ABAT: variants seen among roughly 807,000 people sequenced by gnomAD.
The protein encoded by ABAT is 4-aminobutyrate aminotransferase, mitochondrial.
A neutral mutation model predicts 64.6 loss-of-function variants in ABAT; 45 were observed. That is an observed-to-expected ratio of 0.70 (90% CI 0.55 to 0.89). The LOEUF (loss-of-function observed/expected upper bound fraction) is 0.89, where lower values mean the gene tolerates loss of function less well. ABAT is among the 40% of genes least tolerant of loss of function. The pLI, the probability that ABAT is intolerant of heterozygous loss-of-function variation, is 0.00. For missense variants in ABAT, 633 were observed against 658.4 expected (o/e 0.96, Z 0.42); for synonymous variants, 297 against 250.5 (o/e 1.19, Z -1.75).
intron 1 of ABAT, among the ~76,000 whole-genome samples, chr16:8,704,873 G>C (rs1008931774): frequency 1.5e-4 from 23 of 151,254 alleles, no homozygotes; most frequent in African/African-American, 5.6e-4. Context: ...TTGTACAAAT[G>C]GGGGGTCTCA....
At chr16:8,737,568 G>A (rs1023852038) in intron 2 of ABAT, 1 of 151,794 alleles carries the variant, frequency 6.6e-6, no homozygotes, top group Non-Finnish European at 1.5e-5. Context: ...AACCCATATG[G>A]CCCTCACCAG....
chr16:8,714,973 TTATC>T (rs1444590853), intron 1 of ABAT: 2 of 152,410 alleles, frequency 1.3e-5, no homozygotes, highest in Admixed American at 1.3e-4. Flanking sequence ...CAAGCTCTAA[TTATC>T]GTTAAACATC....
intron 4 of ABAT, among the ~76,000 whole-genome samples, chr16:8,748,554 T>C (rs2059394832): frequency 6.6e-6 from 1 of 152,202 alleles, no homozygotes; most frequent in Admixed American, 6.5e-5. Flanking sequence ...GTCTGGTTGC[T>C]TTTAGAATAT....
chr16:8,703,329 G>A (rs1012896150), intron 1 of ABAT, among the ~76,000 whole-genome samples: 16 of 151,988 alleles, frequency 1.1e-4, no homozygotes, highest in South Asian at 8.3e-4. Flanking sequence ...GGTGGTGTGC[G>A]CCTGTAGTCC....
intron 1 of ABAT, among the ~76,000 whole-genome samples, chr16:8,704,841 T>A (rs565414867): frequency 3.2e-4 from 48 of 152,122 alleles, no homozygotes; most frequent in Admixed American, 2.0e-3. Flanking sequence ...CGCTTCTTTT[T>A]TAAAAAAAAA....
intron 6 of ABAT, among the ~76,000 whole-genome samples, chr16:8,763,694 G>A (rs1317293327): frequency 6.6e-6 from 1 of 152,186 alleles, no homozygotes; most frequent in Non-Finnish European, 1.5e-5. Context: ...GTGAGGCACT[G>A]CACTCTGCCT....
At chr16:8,702,408 A>C (rs2057844353) in intron 1 of ABAT, among the ~76,000 whole-genome samples, 1 of 151,950 alleles carries the variant, frequency 6.6e-6, no homozygotes, top group Admixed American at 6.6e-5. Context: ...ATGCACCACC[A>C]CGCCCAGTTA....
At chr16:8,755,632 C>A (rs1001201249) in intron 5 of ABAT, among the ~76,000 whole-genome samples, 1 of 152,124 alleles carries the variant, frequency 6.6e-6, no homozygotes, top group African/African-American at 2.4e-5. Context: ...GACTTCAGGC[C>A]GGGTTCGGTG....
At position 8,756,048 on chromosome 16, in the gene ABAT, CAAA is replaced by C. The variant is rs59561493; in HGVS notation, c.317-1701_317-1699del. The stretch of plus-strand genomic sequence containing the variant: ...TGGGCAACAGAGCGAGACTCTCTCT[CAAA>C]AAAAAAACAAAATTAGCCAGGCATG... On this transcript the variant is annotated intron_variant, in intron 5 of 15. Transcript: ENST00000268251. Among the ~76,000 whole-genome samples, 3 of 145,362 alleles carry C rather than the reference CAAA, an allele frequency of 2.1e-5. No homozygotes were observed. The Admixed American group carries it at 2.1e-4, about 10-fold the overall frequency.
intron 2 of ABAT, among the ~76,000 whole-genome samples, chr16:8,739,709 C>T (rs1192553591): frequency 6.6e-6 from 1 of 151,768 alleles, no homozygotes; most frequent in East Asian, 1.9e-4. Context: ...TGGGAAGTGT[C>T]CTAACTCCCA....
chr16:8,757,231 G>A, intron 5 of ABAT: 1 of 447,784 alleles, frequency 2.2e-6, no homozygotes, highest in Non-Finnish European at 4.4e-6. Flanking sequence ...GCAGTGGCGT[G>A]ATCTCAACTC....
rs71152921 is a variant in ABAT, at chr16:8,726,262, C to CTTT, written c.-41-9423_-41-9421dup. The stretch of plus-strand genomic sequence containing the variant: ...TCCACGTTGTTGCAAATGACTAGAT[C>CTTT]TTTTTTTTTTTTTTTTGAGATGGAG... On this transcript the variant is annotated intron_variant, in intron 1 of 15. Coordinates refer to ENST00000268251, the MANE Select transcript of ABAT (RefSeq NM_020686.6). 4.1e-4 allele frequency among the ~76,000 whole-genome samples: 50 copies of CTTT among 120,814 alleles called. 2 individuals are homozygous for CTTT. The highest frequency in any genetic ancestry group is 1.2e-3 in the African/African-American group (40 of 32,954). 79.3% of individuals were successfully genotyped at this position (120,814 alleles called of 152,430 possible).
chr16:8,735,794 C>G lies in ABAT; in HGVS notation c.55C>G (p.Arg19Gly). The change falls in exon 2 of 16, where the codon CGC becomes GGC. Residue 19 changes from arginine to glycine, a missense_variant. Arg to Gly is a moderately radical substitution (Grantham distance 125, BLOSUM62 -2). Transcript: ENST00000268251. ...RLACSFQHSY[R>G]LLVPGSRHIS... ...GGCCTGCAGCTTCCAGCACAGCTAC[C>G]GCCTGCTGGTGCCTGGTAAGCCCCG... is the stretch of plus-strand genomic sequence containing the variant. The G allele has an allele frequency of 1.2e-6, 2 of 1,605,760 alleles. No homozygotes were observed. The highest frequency in any genetic ancestry group is 1.7e-6 in the Non-Finnish European group (2 of 1,176,418).
chr16:8,686,642 C>G (rs2057462760), intron 1 of ABAT, among the ~76,000 whole-genome samples: 1 of 152,156 alleles, frequency 6.6e-6, no homozygotes, highest in African/African-American at 2.4e-5. Context: ...CGCCCAGGGT[C>G]TCCTACTGAA....
chr16:8,771,308 A>T (rs961848896), intron 11 of ABAT, among the ~76,000 whole-genome samples: 1 of 151,850 alleles, frequency 6.6e-6, no homozygotes, highest in Non-Finnish European at 1.5e-5. Flanking sequence ...AAAAAAAAAA[A>T]AGAAAACCAA....
intron 1 of ABAT, among the ~76,000 whole-genome samples, chr16:8,732,611 A>G (rs530551423): frequency 6.6e-6 from 1 of 151,668 alleles, no homozygotes; most frequent in South Asian, 2.1e-4. Context: ...AAAGTCTCCC[A>G]TGTCTACTTC....
At chr16:8,768,607 C>T (rs2060013684) in intron 10 of ABAT, among the ~76,000 whole-genome samples, 1 of 152,146 alleles carries the variant, frequency 6.6e-6, no homozygotes, top group Non-Finnish European at 1.5e-5. Context: ...AACTGGGGTT[C>T]AGTATCAAAA....
At chr16:8,770,455 T>C (rs2142989316) in intron 11 of ABAT, among the ~76,000 whole-genome samples, 1 of 150,988 alleles carries the variant, frequency 6.6e-6, no homozygotes, top group South Asian at 2.1e-4. Flanking sequence ...TTTGTTTTGT[T>C]TGAGACAGGG....
chr16:8,718,869 T>A (rs1359905818), intron 1 of ABAT, among the ~76,000 whole-genome samples: 1 of 152,236 alleles, frequency 6.6e-6, no homozygotes, highest in Non-Finnish European at 1.5e-5. Context: ...TCTTTGCAAG[T>A]GCATGTAGGA....
Sources: gnomAD v4.1 joint callset for allele counts (sites outside exome capture counted in the v4.1 genomes callset) on GRCh38, gnomAD v4.1.1 for gene constraint, MANE v1.5 for transcripts, NCBI Gene and HGNC (gene_info 2026-07-23, HGNC 2026-07-21) for gene names.